CHIC1: variants seen among roughly 807,000 people sequenced by gnomAD.
CHIC1 encodes the protein cysteine-rich hydrophobic domain-containing protein 1.
CHIC1 carries 7 observed loss-of-function variants against 18.5 expected under a neutral mutation model. That is an observed-to-expected ratio of 0.38 (90% confidence interval 0.22 to 0.71). The LOEUF (loss-of-function observed/expected upper bound fraction) is 0.71, where lower values mean the gene tolerates loss of function less well. CHIC1 is among the 30% of genes least tolerant of loss of function. The probability of loss-of-function intolerance (pLI) is 0.49; values close to 1 mark genes in which losing one functional copy is unlikely to be tolerated. For synonymous variants in CHIC1, 77 were observed against 73.5 expected (o/e 1.05, Z -0.25); for missense variants, 159 against 176.9 (o/e 0.90, Z 0.57).
intron 3 of CHIC1, among the ~76,000 whole-genome samples, chrX:73,599,140 G>T (rs2147563655): frequency 9.0e-6 from 1 of 110,773 alleles, no homozygotes; most frequent in African/African-American, 3.3e-5. Context: ...CTTTTGAGAA[G>T]TGTCTGTTCA....
chrX:73,625,848 C>T, intron 3 of CHIC1, among the ~76,000 whole-genome samples: 1 of 110,814 alleles, frequency 9.0e-6, no homozygotes, highest in African/African-American at 3.3e-5. Context: ...AGAGAAAGTG[C>T]TTTAACCCTC....
At chrX:73,663,290 A>G (rs1030889011) in intron 3 of CHIC1, among the ~76,000 whole-genome samples, 5 of 111,085 alleles carry the variant, frequency 4.5e-5, no homozygotes, top group African/African-American at 1.6e-4. Flanking sequence ...CAACTAATTC[A>G]TGGGCTCTTT....
At chrX:73,638,497 C>G (rs2057840619) in intron 3 of CHIC1, among the ~76,000 whole-genome samples, 1 of 111,188 alleles carries the variant, frequency 9.0e-6, no homozygotes, top group Non-Finnish European at 1.9e-5. Context: ...GCCACAAAAC[C>G]TTTCCCCCCA....
chrX:73,640,017 A>G (rs1428112949), intron 3 of CHIC1, among the ~76,000 whole-genome samples: 2 of 111,168 alleles, frequency 1.8e-5, no homozygotes, highest in Admixed American at 9.6e-5. Context: ...GATGCTCTTT[A>G]TTTCCTTTTC....
At chrX:73,672,730 A>C (rs1228443440) in intron 3 of CHIC1, among the ~76,000 whole-genome samples, 1 of 111,718 alleles carries the variant, frequency 9.0e-6, no homozygotes, top group Non-Finnish European at 1.9e-5. Context: ...GTTCACTCTG[A>C]TTGTAGTTTC....
intron 3 of CHIC1, among the ~76,000 whole-genome samples, chrX:73,627,400 A>T (rs1277585810): frequency 8.9e-6 from 1 of 112,676 alleles, no homozygotes; most frequent in African/African-American, 3.2e-5. Context: ...GGATGGCAAG[A>T]TCACCCAGGC....
chrX:73,563,236 A>G lies in CHIC1; in HGVS notation c.-49A>G, dbSNP rs998769511. The stretch of plus-strand genomic sequence containing the variant: ...CCCCCTCCTCTTGCAGCACCTCGGC[A>G]GGTTCAAACTCTTCTCCGGGAGCGT... On this transcript the variant is annotated 5_prime_UTR_variant, in exon 1 of 6. Transcript: ENST00000373502. 3 of 1,056,674 alleles carry G rather than the reference A, an allele frequency of 2.8e-6. No homozygotes were observed. Among genetic ancestry groups the G allele is most frequent in the African/African-American group, 3.9e-5 (2 of 51,556 alleles). 87.1% of individuals were successfully genotyped at this position (1,056,674 alleles called of 1,213,427 possible).
At chrX:73,668,291 A>T (rs2058013859) in intron 3 of CHIC1, among the ~76,000 whole-genome samples, 1 of 111,406 alleles carries the variant, frequency 9.0e-6, no homozygotes, top group Non-Finnish European at 1.9e-5. Flanking sequence ...GCTTCTTGGC[A>T]TTGGGTTACA....
chrX:73,611,882 G>A (rs1317486502), intron 3 of CHIC1, among the ~76,000 whole-genome samples: 1 of 108,080 alleles, frequency 9.3e-6, no homozygotes, highest in Admixed American at 9.7e-5. Flanking sequence ...TTTTTTTCTT[G>A]TAAATTTGTT....
intron 3 of CHIC1, among the ~76,000 whole-genome samples, chrX:73,676,659 T>C (rs979868032): frequency 7.2e-5 from 8 of 111,584 alleles, no homozygotes; most frequent in African/African-American, 2.3e-4. Flanking sequence ...GCTTTTAACT[T>C]CTTTGCCATT....
At chrX:73,574,690 C>T (rs190293061) in intron 1 of CHIC1, among the ~76,000 whole-genome samples, 2 of 110,370 alleles carry the variant, frequency 1.8e-5, no homozygotes, top group Non-Finnish European at 1.9e-5. Context: ...CCCATTTCCT[C>T]TAGATTTTCT....
intron 1 of CHIC1, among the ~76,000 whole-genome samples, chrX:73,576,086 A>G (rs114295845): frequency 0.015 from 1,611 of 109,375 alleles, 29 homozygotes; most frequent in African/African-American, 0.05. Context: ...CAGTTATCCC[A>G]TTGGAAAGTC....
intron 3 of CHIC1, among the ~76,000 whole-genome samples, chrX:73,660,727 C>T (rs751796116): frequency 2.7e-4 from 30 of 110,873 alleles, no homozygotes; most frequent in Non-Finnish European, 5.3e-4. Context: ...GTCCTAGCCA[C>T]GCCATGGTAT....
chrX:73,570,733 G>A (rs1732842165), intron 1 of CHIC1, among the ~76,000 whole-genome samples: 2 of 110,976 alleles, frequency 1.8e-5, no homozygotes, highest in Admixed American at 1.9e-4. Flanking sequence ...GATTGTCAAA[G>A]TTGTCAAATA....
chrX:73,609,608 G>C, intron 3 of CHIC1, among the ~76,000 whole-genome samples: 1 of 109,636 alleles, frequency 9.1e-6, no homozygotes. Context: ...GGGTCTCTCT[G>C]TGTTGTCCAG....
At chrX:73,594,401 C>T (rs1003825964) in intron 3 of CHIC1, among the ~76,000 whole-genome samples, 4 of 111,509 alleles carry the variant, frequency 3.6e-5, no homozygotes, top group African/African-American at 1.3e-4. Context: ...AACTCCTCAC[C>T]TCAGGTGATC....
At chrX:73,617,456 A>AC (rs1344078540) in intron 3 of CHIC1, among the ~76,000 whole-genome samples, 11 of 111,420 alleles carry the variant, frequency 9.9e-5, no homozygotes, top group African/African-American at 3.6e-4. Flanking sequence ...TTACAGCAGG[A>AC]CCCCACTCTA....
At chrX:73,655,782 C>G (rs1007088009) in intron 3 of CHIC1, among the ~76,000 whole-genome samples, 1 of 107,834 alleles carries the variant, frequency 9.3e-6, no homozygotes, top group Admixed American at 1.0e-4. Context: ...CATATGCATG[C>G]TTATCTTTAT....
chrX:73,577,542 A>G, intron 2 of CHIC1, 81 bp downstream of exon 2: 1 of 757,780 alleles, frequency 1.3e-6, no homozygotes. Context: ...AATGCTTTGA[A>G]TCATTGTTAA....
Sources: allele counts gnomAD v4.1 joint callset (sites outside exome capture counted in the v4.1 genomes callset), GRCh38; gene constraint gnomAD v4.1.1; transcripts MANE v1.5; gene names NCBI Gene and HGNC (gene_info 2026-07-23, HGNC 2026-07-21).